Variants in SDK1 observed in about 807,000 individuals in gnomAD.
SDK1 encodes the protein sidekick cell adhesion molecule 1.
A neutral mutation model predicts 245.5 loss-of-function variants in SDK1; 157 were observed. The ratio of observed to expected loss-of-function variants is 0.64; its 90% CI spans 0.56 to 0.73. The LOEUF (loss-of-function observed/expected upper bound fraction) is 0.73. SDK1 is among the 30% of genes least tolerant of loss of function. The pLI is 0.00. For missense variants in SDK1, 3,583 were observed against 3,002.3 expected (o/e 1.19, Z -4.52); for synonymous variants, 1,647 against 1,278.5 (o/e 1.29, Z -6.15).
intron 22 of SDK1, among the ~76,000 whole-genome samples, chr7:4,093,847 G>A (rs541919448): frequency 2.0e-5 from 3 of 152,164 alleles, no homozygotes; most frequent in Non-Finnish European, 4.4e-5. Context: ...ACTCACCTGC[G>A]AGGACACCTT....
At chr7:4,007,874 G>C (rs912743715) in intron 14 of SDK1, among the ~76,000 whole-genome samples, 3 of 152,138 alleles carry the variant, frequency 2.0e-5, no homozygotes, top group Non-Finnish European at 2.9e-5. Flanking sequence ...AAAGTGCAGG[G>C]ATTACAGGCA....
intron 4 of SDK1, among the ~76,000 whole-genome samples, chr7:3,770,134 A>C (rs1255097775): frequency 6.6e-6 from 1 of 152,072 alleles, no homozygotes; most frequent in East Asian, 1.9e-4. Context: ...CCTTGCGGTG[A>C]TGGAACTGTT....
intron 1 of SDK1, among the ~76,000 whole-genome samples, chr7:3,459,776 T>A (rs1780779235): frequency 1.3e-5 from 2 of 152,208 alleles, no homozygotes; most frequent in Admixed American, 1.3e-4. Context: ...TTGTGATCCA[T>A]GTCCTTGGCC....
Position 3,801,588 on chromosome 7 carries a change from G to C in SDK1, c.714-19862G>C, listed in dbSNP as rs1779108325. ...CAGATCATCAGGTTTGACGAAAACA[G>C]GAAGGAGGGCCTGGGAGGGATGGAT... On this transcript the variant is annotated intron_variant, in intron 4 of 44. Coordinates refer to ENST00000404826, the MANE Select transcript of SDK1 (RefSeq NM_152744.4). 2.0e-5 allele frequency among the ~76,000 whole-genome samples: 3 copies of C among 152,158 alleles called. No individual in the cohort carries two copies. In the South Asian group the frequency reaches 6.2e-4, roughly 32 times the overall value.
intron 38 of SDK1, among the ~76,000 whole-genome samples, chr7:4,218,840 T>C (rs1784983740): frequency 6.6e-6 from 1 of 152,152 alleles, no homozygotes; most frequent in Non-Finnish European, 1.5e-5. Context: ...CTGGTGGAGA[T>C]TAATCTATTG....
chr7:4,178,386 G>A (rs558030976), intron 34 of SDK1, 99 bp from the exon 35 acceptor site: 2 of 850,404 alleles, frequency 2.4e-6, no homozygotes, highest in African/African-American at 3.3e-5. Context: ...CCTCTCCTTG[G>A]AGGGTGCTCC....
chr7:4,065,503 GA>G (rs1256535338), intron 19 of SDK1, among the ~76,000 whole-genome samples: 1 of 152,066 alleles, frequency 6.6e-6, no homozygotes, highest in African/African-American at 2.4e-5. Flanking sequence ...TCCATCGATT[GA>G]AAAAAGAACA....
chr7:4,216,290 G>C (rs996516935), intron 38 of SDK1, among the ~76,000 whole-genome samples: 1 of 152,150 alleles, frequency 6.6e-6, no homozygotes, highest in African/African-American at 2.4e-5. Flanking sequence ...TGCACCCCGT[G>C]GAGGTTACAC....
At chr7:3,659,580 G>A (rs947250766) in intron 4 of SDK1, among the ~76,000 whole-genome samples, 2 of 152,168 alleles carry the variant, frequency 1.3e-5, no homozygotes, top group African/African-American at 4.8e-5. Flanking sequence ...CCAAAGTGAC[G>A]TCGGCAGGGA....
intron 5 of SDK1, among the ~76,000 whole-genome samples, chr7:3,833,206 C>T (rs1376066463): frequency 5.3e-5 from 8 of 152,018 alleles, no homozygotes; most frequent in Admixed American, 3.3e-4. Flanking sequence ...GTTCCTAAGT[C>T]GAACTTAAAG....
At chr7:3,661,965 A>G (rs1221288555) in intron 4 of SDK1, among the ~76,000 whole-genome samples, 4 of 151,722 alleles carry the variant, frequency 2.6e-5, no homozygotes, top group African/African-American at 9.7e-5. Flanking sequence ...CGTTATTACC[A>G]TTAGTGGTTC....
chr7:3,644,773 C>CA (rs34276127), intron 4 of SDK1, among the ~76,000 whole-genome samples: 3,327 of 39,860 alleles, frequency 0.083, 376 homozygotes, highest in African/African-American at 0.24. Context: ...ACCCTGTCTC[C>CA]AAAAAAAAAA....
intron 5 of SDK1, among the ~76,000 whole-genome samples, chr7:3,930,490 G>A (rs193139194): frequency 4.9e-4 from 75 of 152,336 alleles, no homozygotes; most frequent in African/African-American, 1.8e-3. Context: ...AAAGCCAGAC[G>A]TGGCTTCCAG....
intron 4 of SDK1, among the ~76,000 whole-genome samples, chr7:3,724,051 C>T (rs1778933640): frequency 6.6e-6 from 1 of 150,864 alleles, no homozygotes. Flanking sequence ...GCAACCTCCG[C>T]CTCCCGGGTT....
intron 44 of SDK1, among the ~76,000 whole-genome samples, chr7:4,259,752 C>T (rs954128639): frequency 1.3e-5 from 2 of 152,074 alleles, no homozygotes; most frequent in South Asian, 2.1e-4. Context: ...AGTTTCAGAG[C>T]GTTGTGGGTT....
At chr7:3,644,095 G>GT (rs1782743440) in intron 4 of SDK1, among the ~76,000 whole-genome samples, 1 of 150,700 alleles carries the variant, frequency 6.6e-6, no homozygotes, top group African/African-American at 2.4e-5. Context: ...CAGAGGTGAG[G>GT]TTTTACCATG....
rs756197525 is a variant in SDK1 at position 4,233,463 on chromosome 7, G to C, written c.5992+44G>C. 4 of 1,574,744 alleles carry C rather than the reference G, an allele frequency of 2.5e-6. No individual in the cohort carries two copies. The East Asian group carries it at 6.7e-5, about 27-fold the overall frequency. On this transcript the variant is annotated intron_variant, in intron 41 of 44. Transcript: ENST00000404826. Reference sequence around the variant, plus strand: ...GTCTGTCTTCTTCTGGAGGACTAGAGGGAGAAATGGGGTCGAGGGGGACCC... The same window carrying C: ...GTCTGTCTTCTTCTGGAGGACTAGACGGAGAAATGGGGTCGAGGGGGACCC...
intron 25 of SDK1, among the ~76,000 whole-genome samples, chr7:4,117,741 G>A (rs780030037): frequency 2.6e-5 from 4 of 152,256 alleles, no homozygotes; most frequent in Non-Finnish European, 2.9e-5. Flanking sequence ...AGGTGCCACC[G>A]GGAACTGTAG....
Position 4,210,050 on chromosome 7 carries a change from G to A in SDK1, c.5427G>A (p.Ala1809=), listed in dbSNP as rs150887633. ...CCCCTGGGGCCCCCAGCTTTCTGGC[G>A]TTCTCAGAAATAACCTCCACCACGC... ...QAAPGAPSFL[A]FSEITSTTLN... Residue 1809 remains alanine (A), a synonymous_variant, in exon 38 of 45, where the codon GCG becomes GCA. Coordinates refer to ENST00000404826, the MANE Select transcript of SDK1 (RefSeq NM_152744.4). The A allele has an allele frequency of 5.6e-5, 89 of 1,595,724 alleles. No homozygotes were observed. The highest frequency in any genetic ancestry group is 5.0e-4 in the Middle Eastern group (3 of 5,998).
Sources: gnomAD v4.1 joint callset for allele counts (sites outside exome capture counted in the v4.1 genomes callset) on GRCh38, gnomAD v4.1.1 for gene constraint, MANE v1.5 for transcripts, NCBI Gene and HGNC (gene_info 2026-07-23, HGNC 2026-07-21) for gene names.